HS3ST5: variants seen among roughly 807,000 people sequenced by gnomAD.
The protein encoded by HS3ST5 is heparan sulfate glucosamine 3-O-sulfotransferase 5.
Under a neutral mutation model 25.4 loss-of-function variants are expected in HS3ST5, and 10 were observed. The ratio of observed to expected loss-of-function variants is 0.39; its 90% CI spans 0.24 to 0.67. HS3ST5 has a LOEUF of 0.67. Among genes scored for constraint, HS3ST5 ranks in the 30% least tolerant of loss-of-function variants. The pLI, the probability that HS3ST5 is intolerant of heterozygous loss-of-function variation, is 0.44. For missense variants in HS3ST5, 324 were observed against 420.7 expected (o/e 0.77, Z 2.01); for synonymous variants, 170 against 162.4 (o/e 1.05, Z -0.36).
intron 2 of HS3ST5, among the ~76,000 whole-genome samples, chr6:114,173,976 T>A (rs1425488156): frequency 6.6e-6 from 1 of 152,168 alleles, no homozygotes; most frequent in African/African-American, 2.4e-5. Context: ...CTTGGATACC[T>A]ATAGGCACCT....
chr6:114,274,993 A>G (rs1423425323), intron 1 of HS3ST5, among the ~76,000 whole-genome samples: 4 of 151,802 alleles, frequency 2.6e-5, no homozygotes, highest in African/African-American at 7.3e-5. Flanking sequence ...TTCCCTGACT[A>G]TACAACTATG....
chr6:114,156,015 AG>A (rs1392771496), intron 3 of HS3ST5, among the ~76,000 whole-genome samples: 1 of 152,228 alleles, frequency 6.6e-6, no homozygotes, highest in Non-Finnish European at 1.5e-5. Flanking sequence ...ACAGTGAAAC[AG>A]GGCAGAGAAA....
chr6:114,196,627 G>A (rs1208853188), intron 2 of HS3ST5, among the ~76,000 whole-genome samples: 1 of 148,650 alleles, frequency 6.7e-6, no homozygotes, highest in African/African-American at 2.5e-5. Context: ...ATCATTGTAA[G>A]CACCTCTTAG....
intron 2 of HS3ST5, among the ~76,000 whole-genome samples, chr6:114,210,534 T>G (rs1781469956): frequency 6.6e-6 from 1 of 152,000 alleles, no homozygotes; most frequent in Non-Finnish European, 1.5e-5. Flanking sequence ...AAACTGATAT[T>G]TTGTTACAAT....
At chr6:114,231,214 C>A (rs1183055017) in intron 1 of HS3ST5, 2 of 152,200 alleles carry the variant, frequency 1.3e-5, no homozygotes, top group Non-Finnish European at 2.9e-5. Context: ...CTCTTAAACA[C>A]AGCCTTCTTC....
intron 3 of HS3ST5, among the ~76,000 whole-genome samples, chr6:114,158,909 G>A (rs1274698627): frequency 6.6e-6 from 1 of 152,182 alleles, no homozygotes. Flanking sequence ...ATCATAAAAT[G>A]TGACTTCACA....
At chr6:114,180,293 A>G (rs541091732) in intron 2 of HS3ST5, among the ~76,000 whole-genome samples, 3 of 152,118 alleles carry the variant, frequency 2.0e-5, no homozygotes, top group Non-Finnish European at 4.4e-5. Flanking sequence ...CAACACTCCT[A>G]TCTCCCAATG....
intron 1 of HS3ST5, among the ~76,000 whole-genome samples, chr6:114,333,426 T>A (rs1483342721): frequency 6.6e-6 from 1 of 152,118 alleles, no homozygotes; most frequent in Non-Finnish European, 1.5e-5. Context: ...AAGCACTTGA[T>A]CTTTTTGTTG....
At chr6:114,318,176 G>A (rs1021320365) in intron 1 of HS3ST5, among the ~76,000 whole-genome samples, 1 of 152,010 alleles carries the variant, frequency 6.6e-6, no homozygotes, top group African/African-American at 2.4e-5. Context: ...ACTATATTCT[G>A]TCCACTTCAT....
chr6:114,239,573 G>C (rs1239516515), intron 1 of HS3ST5, among the ~76,000 whole-genome samples: 1 of 152,132 alleles, frequency 6.6e-6, no homozygotes, highest in African/African-American at 2.4e-5. Flanking sequence ...GACAGGAGTT[G>C]CGTTTGAAAC....
chr6:114,330,504 T>G (rs112593015), intron 1 of HS3ST5, among the ~76,000 whole-genome samples: 4 of 152,186 alleles, frequency 2.6e-5, no homozygotes, highest in Non-Finnish European at 4.4e-5. Context: ...TCACAGCAAA[T>G]GTTTAGGCAG....
intron 3 of HS3ST5, among the ~76,000 whole-genome samples, chr6:114,067,987 A>G (rs1057457599): frequency 9.8e-5 from 15 of 152,298 alleles, no homozygotes; most frequent in Admixed American, 4.6e-4. Flanking sequence ...AAACAGTAGG[A>G]TAGAACTTTG....
At chr6:114,189,202 A>G (rs1262954683) in intron 2 of HS3ST5, among the ~76,000 whole-genome samples, 1 of 152,128 alleles carries the variant, frequency 6.6e-6, no homozygotes, top group Non-Finnish European at 1.5e-5. Context: ...TTTAGGTTAG[A>G]AATATTTTTT....
chr6:114,334,563 G>A (rs1036548358), intron 1 of HS3ST5, among the ~76,000 whole-genome samples: 124 of 152,248 alleles, frequency 8.1e-4, no homozygotes, highest in African/African-American at 2.9e-3. Context: ...TGTCTTTACT[G>A]TACCTTTTCT....
intron 1 of HS3ST5, among the ~76,000 whole-genome samples, chr6:114,231,852 T>A (rs1771609422): frequency 6.6e-6 from 1 of 151,096 alleles, no homozygotes; most frequent in African/African-American, 2.4e-5. Flanking sequence ...CTTGGGATCA[T>A]GAGAGGAAAA....
At chr6:114,266,073 C>G (rs1162774353) in intron 1 of HS3ST5, among the ~76,000 whole-genome samples, 1 of 152,160 alleles carries the variant, frequency 6.6e-6, no homozygotes, top group Non-Finnish European at 1.5e-5. Context: ...TCAAGGATCC[C>G]AAACTGAATT....
At chr6:114,193,532 C>G (rs778795838) in intron 2 of HS3ST5, among the ~76,000 whole-genome samples, 1 of 152,102 alleles carries the variant, frequency 6.6e-6, no homozygotes, top group Non-Finnish European at 1.5e-5. Context: ...CATCATTCTC[C>G]CTGGTATGAA....
chr6:114,179,157 G>T (rs995731913), intron 2 of HS3ST5: 2 of 152,154 alleles, frequency 1.3e-5, no homozygotes, highest in African/African-American at 2.4e-5. Context: ...GCTCCATGAA[G>T]GTAGGTTTTT....
chr6:114,136,284 TG>T (rs1354691879), intron 3 of HS3ST5, among the ~76,000 whole-genome samples: 3 of 152,160 alleles, frequency 2.0e-5, no homozygotes, highest in Admixed American at 6.5e-5. Flanking sequence ...GTCTTTCCCA[TG>T]CTGTTCTTGT....
Sources: gnomAD v4.1 joint callset for allele counts (sites outside exome capture counted in the v4.1 genomes callset) on GRCh38, gnomAD v4.1.1 for gene constraint, MANE v1.5 for transcripts, NCBI Gene and HGNC (gene_info 2026-07-23, HGNC 2026-07-21) for gene names.